Variants in EYA1 observed in about 807,000 individuals in gnomAD.
EYA1 encodes protein phosphatase EYA1.
EYA1 carries 16 observed loss-of-function variants against 82.0 expected under a neutral mutation model. That is an observed-to-expected ratio of 0.20 (90% CI 0.13 to 0.30). The LOEUF is 0.30. Ranked by LOEUF, EYA1 falls within the 10% of genes least tolerant of loss-of-function variation. EYA1 has a pLI of 1.00. For missense variants in EYA1, 633 were observed against 730.7 expected (o/e 0.87, Z 1.54); for synonymous variants, 261 against 264.4 (o/e 0.99, Z 0.12).
chr8:71,535,078 T>C (rs1309466964), intron 2 of EYA1, among the ~76,000 whole-genome samples: 1 of 152,148 alleles, frequency 6.6e-6, no homozygotes, highest in Non-Finnish European at 1.5e-5. Flanking sequence ...ATATGCTTTT[T>C]TTTAAATTAA....
intron 2 of EYA1, among the ~76,000 whole-genome samples, chr8:71,438,481 C>A (rs534922188): frequency 2.5e-4 from 38 of 152,078 alleles, no homozygotes; most frequent in African/African-American, 9.2e-4. Context: ...AATTCTTGTC[C>A]CTAAGGATCA....
chr8:71,545,200 TG>T (rs1815448471), intron 1 of EYA1, among the ~76,000 whole-genome samples: 1 of 152,234 alleles, frequency 6.6e-6, no homozygotes, highest in African/African-American at 2.4e-5. Context: ...ATGGCATTAA[TG>T]CCATCTAATA....
chr8:71,223,463 C>T (rs1206787130), intron 12 of EYA1, among the ~76,000 whole-genome samples: 6 of 152,152 alleles, frequency 3.9e-5, no homozygotes, highest in Non-Finnish European at 8.8e-5. Flanking sequence ...TACTGCTGGC[C>T]CTCAGCTAAC....
chr8:71,458,555 C>T (rs779899772), intron 2 of EYA1, among the ~76,000 whole-genome samples: 2 of 151,682 alleles, frequency 1.3e-5, no homozygotes, highest in Non-Finnish European at 2.9e-5. Context: ...TTACATAGCT[C>T]CAAATACAGC....
chr8:71,259,827 G>C (rs118147266), intron 11 of EYA1, among the ~76,000 whole-genome samples: 2,957 of 152,202 alleles, frequency 0.019, 51 homozygotes, highest in Non-Finnish European at 0.033. Flanking sequence ...CTCTAGAAAC[G>C]TTAAAGGTAA....
intron 2 of EYA1, among the ~76,000 whole-genome samples, chr8:71,410,654 T>C (rs1445260006): frequency 2.4e-5 from 3 of 127,332 alleles, no homozygotes; most frequent in Non-Finnish European, 5.0e-5. Context: ...ATAAAATACC[T>C]AGGAATCCAA....
chr8:71,288,600 G>A (rs146201508), intron 9 of EYA1, among the ~76,000 whole-genome samples: 47 of 152,336 alleles, frequency 3.1e-4, no homozygotes, highest in African/African-American at 9.9e-4. Context: ...CTAAGGTTAC[G>A]CAAGTGGATT....
chr8:71,396,763 T>C (rs1372418137), intron 2 of EYA1, among the ~76,000 whole-genome samples: 1 of 152,230 alleles, frequency 6.6e-6, no homozygotes, highest in Non-Finnish European at 1.5e-5. Context: ...ATGTATATTC[T>C]GTTGACTTGG....
chr8:71,335,800 C>A (rs1452852671), intron 3 of EYA1, among the ~76,000 whole-genome samples: 1 of 150,684 alleles, frequency 6.6e-6, no homozygotes, highest in Non-Finnish European at 1.5e-5. Flanking sequence ...TCCTTAAAAA[C>A]ACACACACAC....
chr8:71,226,677 C>T (rs1414619243), intron 12 of EYA1, among the ~76,000 whole-genome samples: 1 of 148,968 alleles, frequency 6.7e-6, no homozygotes, highest in Non-Finnish European at 1.5e-5. Flanking sequence ...CAGTGTTGAA[C>T]AGTTTTAATA....
intron 9 of EYA1, among the ~76,000 whole-genome samples, chr8:71,281,325 CCT>C (rs1456617405): frequency 1.3e-5 from 2 of 152,142 alleles, no homozygotes; most frequent in Admixed American, 1.3e-4. Context: ...GCTGAAGCTC[CCT>C]CTGTCCCACC....
chr8:71,446,547 T>A (rs1234713629), intron 2 of EYA1, among the ~76,000 whole-genome samples: 2 of 152,194 alleles, frequency 1.3e-5, no homozygotes. Context: ...ATAATATCCG[T>A]TACCTCAAGA....
intron 2 of EYA1, among the ~76,000 whole-genome samples, chr8:71,490,491 TTTG>T (rs1327040118): frequency 2.0e-5 from 3 of 152,268 alleles, no homozygotes; most frequent in African/African-American, 4.8e-5. Flanking sequence ...AAGTAGAAAA[TTTG>T]TTGTTTATAG....
intron 4 of EYA1, among the ~76,000 whole-genome samples, chr8:71,333,339 A>G (rs1053427694): frequency 2.0e-5 from 3 of 152,210 alleles, no homozygotes; most frequent in Non-Finnish European, 2.9e-5. Context: ...TGAGTAAATC[A>G]ATCACAACTT....
intron 11 of EYA1, 27 bp from the exon 12 acceptor site, chr8:71,244,719 A>G (rs1812867557): frequency 7.7e-7 from 1 of 1,302,360 alleles, no homozygotes; most frequent in Admixed American, 1.7e-5. Context: ...ACAGGTGAAG[A>G]ACATGTATAC....
At chr8:71,278,279 C>G (rs1817432800) in intron 9 of EYA1, among the ~76,000 whole-genome samples, 1 of 152,196 alleles carries the variant, frequency 6.6e-6, no homozygotes, top group Middle Eastern at 3.2e-3. Context: ...AACTCCAACC[C>G]TCAAAACCCA....
At chr8:71,437,700 T>C (rs960832259) in intron 2 of EYA1, among the ~76,000 whole-genome samples, 5 of 151,950 alleles carry the variant, frequency 3.3e-5, no homozygotes, top group Non-Finnish European at 5.9e-5. Context: ...ATTTGCAAGT[T>C]AGTGAAAAAT....
At chr8:71,356,534 T>C in intron 1 of EYA1, 23 bp from the exon 2 acceptor site, 5 of 1,556,636 alleles carry the variant, frequency 3.2e-6, no homozygotes, top group South Asian at 2.4e-5. Flanking sequence ...GTAAAAAAAT[T>C]AGAAGATGTT....
intron 2 of EYA1, among the ~76,000 whole-genome samples, chr8:71,476,897 T>C (rs113345776): frequency 1.5e-4 from 23 of 152,160 alleles, no homozygotes; most frequent in Admixed American, 7.2e-4. Flanking sequence ...AAATGTAATA[T>C]AACTGAGGAT....
Sources: gnomAD v4.1 joint callset for allele counts (sites outside exome capture counted in the v4.1 genomes callset) on GRCh38, gnomAD v4.1.1 for gene constraint, MANE v1.5 for transcripts, NCBI Gene and HGNC (gene_info 2026-07-23, HGNC 2026-07-21) for gene names.